The following PDE5A variants were observed in gnomAD, a reference collection of about 807,000 sequenced individuals.
The protein encoded by PDE5A is phosphodiesterase 5A.
PDE5A carries 67 observed loss-of-function variants against 110.2 expected under a neutral mutation model. The observed-to-expected ratio is 0.61, with a 90% CI of 0.50 to 0.75. The LOEUF (loss-of-function observed/expected upper bound fraction) is 0.75. Ranked by LOEUF, PDE5A falls within the 30% of genes least tolerant of loss-of-function variation. The pLI is 0.00. For missense variants in PDE5A, 862 were observed against 1,045.1 expected (o/e 0.82, Z 2.42); for synonymous variants, 328 against 351.2 (o/e 0.93, Z 0.74).
chr4:119,511,230 T>A, intron 14 of PDE5A, 96 bp from the exon 15 acceptor site: 1 of 681,224 alleles, frequency 1.5e-6, no homozygotes, highest in Non-Finnish European at 2.6e-6. Flanking sequence ...CAAAAGAGGC[T>A]ACTTCACAAA....
chr4:119,532,822 C>A (rs891353935), intron 11 of PDE5A, among the ~76,000 whole-genome samples: 1 of 152,054 alleles, frequency 6.6e-6, no homozygotes, highest in African/African-American at 2.4e-5. Context: ...TACATGGCTA[C>A]GCAATTTGCT....
chr4:119,506,695 T>G (rs925262880), intron 16 of PDE5A, among the ~76,000 whole-genome samples: 1 of 152,056 alleles, frequency 6.6e-6, no homozygotes, highest in South Asian at 2.1e-4. Context: ...AATTTGATAA[T>G]CCTTATTCTG....
At chr4:119,536,952 T>TA (rs1726745520) in intron 11 of PDE5A, among the ~76,000 whole-genome samples, 2 of 152,174 alleles carry the variant, frequency 1.3e-5, no homozygotes, top group South Asian at 4.1e-4. Context: ...TTAGTTGACT[T>TA]ACACAAAGAA....
chr4:119,589,487 C>A (rs780623542), intron 3 of PDE5A, among the ~76,000 whole-genome samples: 3 of 152,024 alleles, frequency 2.0e-5, no homozygotes, highest in Non-Finnish European at 2.9e-5. Flanking sequence ...AAAAAGAATT[C>A]TGTCTGGTTA....
Position 119,597,305 on chromosome 4 carries a change from T to A in PDE5A, c.742-693A>T, listed in dbSNP as rs901106827. Among the ~76,000 whole-genome samples, 7 of 39,038 alleles carry A rather than the reference T, an allele frequency of 1.8e-4. 1 individual carries two copies. In the South Asian group the frequency reaches 3.9e-3, roughly 21 times the overall value. The allele number at this position is 39,038 out of a possible 152,430, so 25.6% of individuals were successfully genotyped here. A position where few individuals can be genotyped will look rare whatever the true frequency, so the allele number is the denominator to read the frequency against. On this transcript the variant is annotated intron_variant, in intron 2 of 20. Coordinates refer to ENST00000354960, the MANE Select transcript of PDE5A (RefSeq NM_001083.4). ...AATTAGGCTGTAAACTCTGTGAGGG[T>A]TTTTTTTTTTTTCTTTTTTTGTTCA...
In PDE5A at chr4:119,567,097, C is replaced by CCCA; in HGVS notation, c.876_878dup (p.Gly293dup). 2 of 1,613,086 alleles carry CCCA rather than the reference C, an allele frequency of 1.2e-6. No individual in the cohort carries two copies. Among genetic ancestry groups the CCCA allele is most frequent in the Non-Finnish European group, 8.5e-7 (1 of 1,179,242 alleles). ...CCTTTTCATCTTTTTCAGTAAATGT[C>CCCA]CCACCGTTTCCTGATTTCTTGTTGA... On this transcript the variant is annotated inframe_insertion, in exon 4 of 21. Coordinates refer to ENST00000354960, the MANE Select transcript of PDE5A (RefSeq NM_001083.4).
At chr4:119,565,696 G>A (rs1239362250) in intron 4 of PDE5A, among the ~76,000 whole-genome samples, 2 of 151,842 alleles carry the variant, frequency 1.3e-5, no homozygotes, top group Admixed American at 6.6e-5. Context: ...GCAAAATTTG[G>A]TTTAGCCTCT....
At chr4:119,576,790 GA>G (rs1728368745) in intron 3 of PDE5A, among the ~76,000 whole-genome samples, 1 of 152,080 alleles carries the variant, frequency 6.6e-6, no homozygotes, top group Admixed American at 6.5e-5. Context: ...AGAGAAGCAA[GA>G]GCAAACACAT....
chr4:119,532,209 C>T (rs1726567056), intron 11 of PDE5A, among the ~76,000 whole-genome samples: 1 of 152,006 alleles, frequency 6.6e-6, no homozygotes, highest in African/African-American at 2.4e-5. Flanking sequence ...AATCATTAGA[C>T]AAAACACATA....
chr4:119,508,339 T>C (rs901049746), intron 15 of PDE5A, among the ~76,000 whole-genome samples: 5 of 152,034 alleles, frequency 3.3e-5, no homozygotes, highest in African/African-American at 9.7e-5. Flanking sequence ...TATGTAACCA[T>C]TTTTTATTTC....
chr4:119,511,163 AAAG>A (rs1185047596), intron 14 of PDE5A, 29 bp from the exon 15 acceptor site: 1 of 1,427,848 alleles, frequency 7.0e-7, no homozygotes, highest in Non-Finnish European at 9.9e-7. Flanking sequence ...AGAAAGGAAA[AAAG>A]ATCAGTTTCC....
At chr4:119,600,724 G>A (rs1164757345) in intron 2 of PDE5A, among the ~76,000 whole-genome samples, 2 of 152,160 alleles carry the variant, frequency 1.3e-5, no homozygotes, top group Non-Finnish European at 2.9e-5. Flanking sequence ...ATGCATGAAT[G>A]AAGGAGAAGG....
chr4:119,620,212 G>A (rs1192072191), intron 1 of PDE5A, among the ~76,000 whole-genome samples: 1 of 152,230 alleles, frequency 6.6e-6, no homozygotes, highest in African/African-American at 2.4e-5. Context: ...ACACCTCTAA[G>A]TGATATCCTC....
At chr4:119,596,471 C>T (rs938409672) in intron 3 of PDE5A, 52 bp downstream of exon 3, 20 of 1,040,564 alleles carry the variant, frequency 1.9e-5, no homozygotes, top group Non-Finnish European at 2.4e-5. Flanking sequence ...AAATATTTTT[C>T]AAAAAGAAAA....
chr4:119,624,317 C>A (rs1730263016), intron 1 of PDE5A, among the ~76,000 whole-genome samples: 1 of 151,874 alleles, frequency 6.6e-6, no homozygotes, highest in Non-Finnish European at 1.5e-5. Flanking sequence ...TAAAAAAATA[C>A]ATAGCAATAT....
Position 119,606,890 on chromosome 4 carries a change from A to T in PDE5A, c.560T>A (p.Leu187Gln), listed in dbSNP as rs199558706. ...GGAGCTGTCTTCACAGACAAGGAAC[A>T]GGGAATAGCGGTCAGCAGATATCAG... ...HGLISADRYS[L>Q]FLVCEDSSND... The change falls in exon 2 of 21, where the codon CTG becomes CAG. Residue 187 changes from leucine to glutamine, a missense_variant. Physicochemically the swap from Leu to Gln is moderately radical, Grantham distance 113. Transcript: ENST00000354960. 5.0e-6 allele frequency: 8 copies of T among 1,614,282 alleles called. No individual in the cohort carries two copies. The highest frequency in any genetic ancestry group is 6.8e-6 in the Non-Finnish European group (8 of 1,180,048).
At chr4:119,597,710 GA>G (rs1438670756) in intron 2 of PDE5A, among the ~76,000 whole-genome samples, 1 of 152,062 alleles carries the variant, frequency 6.6e-6, no homozygotes, top group East Asian at 1.9e-4. Context: ...GATGAGCTTT[GA>G]AGGTCATTTC....
chr4:119,504,261 G>A (rs982202121), intron 18 of PDE5A, among the ~76,000 whole-genome samples: 10 of 152,102 alleles, frequency 6.6e-5, no homozygotes, highest in African/African-American at 2.2e-4. Flanking sequence ...CTCCAATCAT[G>A]TTGCTGCAAA....
chr4:119,578,636 T>A (rs1051448086), intron 3 of PDE5A, among the ~76,000 whole-genome samples: 1 of 152,228 alleles, frequency 6.6e-6, no homozygotes, highest in Non-Finnish European at 1.5e-5. Context: ...GCTAGCCATA[T>A]GTAGAAAGCT....
Sources: gnomAD v4.1 joint callset for allele counts (sites outside exome capture counted in the v4.1 genomes callset) on GRCh38, gnomAD v4.1.1 for gene constraint, MANE v1.5 for transcripts, NCBI Gene and HGNC (gene_info 2026-07-23, HGNC 2026-07-21) for gene names.